PTGR2: variants seen among roughly 807,000 people sequenced by gnomAD.
PTGR2 encodes the protein prostaglandin reductase 2.
A neutral mutation model predicts 43.4 loss-of-function variants in PTGR2; 32 were observed. The ratio of observed to expected loss-of-function variants is 0.74; its 90% confidence interval spans 0.56 to 0.99. PTGR2 has a LOEUF of 0.99. PTGR2 is among the 50% of genes least tolerant of loss of function. The pLI, the probability that PTGR2 is intolerant of heterozygous loss-of-function variation, is 0.00. For synonymous variants in PTGR2, 106 were observed against 139.2 expected (o/e 0.76, Z 1.68); for missense variants, 373 against 420.0 (o/e 0.89, Z 0.98).
chr14:73,884,526 T>C lies in PTGR2; in HGVS notation c.*349T>C, dbSNP rs1014767853. On this transcript the variant is annotated 3_prime_UTR_variant, in exon 10 of 10. Transcript: ENST00000555661. ...ATTAATATTAATAACTTTTATTAAT[T>C]TAAAATAGAATGCTTAAAATAAAAT... The C allele has an allele frequency of 6.5e-6, 1 of 154,036 alleles. No individual in the cohort carries two copies. The highest frequency in any genetic ancestry group is 1.4e-5 in the Non-Finnish European group (1 of 69,444). The allele number at this position is 154,036 out of a possible 1,614,324, so 9.5% of individuals were successfully genotyped here.
chr14:73,855,740 C>G (rs965762280), intron 1 of PTGR2, among the ~76,000 whole-genome samples: 2 of 150,690 alleles, frequency 1.3e-5, no homozygotes, highest in African/African-American at 2.4e-5. Flanking sequence ...GCCACCACGC[C>G]CGGAGTATTA....
At chr14:73,878,942 T>C in intron 5 of PTGR2, 154 bp from the exon 6 acceptor site, 1 of 623,654 alleles carries the variant, frequency 1.6e-6, no homozygotes, top group Non-Finnish European at 2.7e-6. Context: ...CCCTCAGTTC[T>C]TTTAGTTTCA....
Position 73,884,637 on chromosome 14 carries a change from G to A in PTGR2, c.*460G>A, listed in dbSNP as rs1056336123. ...TAAACTGAAACTTGGTGTAAAAATAGAATTGAGATGGCCTTTTTTTCACAT... is the reference window on the plus strand; with the variant it reads ...TAAACTGAAACTTGGTGTAAAAATAAAATTGAGATGGCCTTTTTTTCACAT... On this transcript the variant is annotated 3_prime_UTR_variant, in exon 10 of 10. Transcript: ENST00000555661. 9 of 154,150 alleles carry A rather than the reference G, an allele frequency of 5.8e-5. No homozygotes were observed. The highest frequency in any genetic ancestry group is 2.2e-4 in the African/African-American group (9 of 41,420). The allele number at this position is 154,150 out of a possible 1,614,324, so 9.5% of individuals were successfully genotyped here. A position where few individuals can be genotyped will look rare whatever the true frequency, so the allele number is the denominator to read the frequency against.
intron 2 of PTGR2, among the ~76,000 whole-genome samples, chr14:73,859,531 C>G (rs1474089280): frequency 6.6e-6 from 1 of 151,872 alleles, no homozygotes; most frequent in African/African-American, 2.4e-5. Context: ...TTTTCTCATA[C>G]CTCAAATTTT....
intron 3 of PTGR2, among the ~76,000 whole-genome samples, chr14:73,873,780 T>C (rs1374296869): frequency 2.0e-5 from 3 of 152,168 alleles, no homozygotes; most frequent in African/African-American, 7.2e-5. Flanking sequence ...AATTTTCAAG[T>C]ATACAATACA....
intron 3 of PTGR2, among the ~76,000 whole-genome samples, chr14:73,869,924 G>A (rs1231716597): frequency 1.3e-5 from 2 of 152,130 alleles, no homozygotes; most frequent in African/African-American, 4.8e-5. Flanking sequence ...TACTCAGGAC[G>A]CTGAGGCAGG....
intron 2 of PTGR2, among the ~76,000 whole-genome samples, chr14:73,860,297 C>T (rs2054458487): frequency 1.3e-5 from 2 of 151,908 alleles, no homozygotes; most frequent in Non-Finnish European, 2.9e-5. Flanking sequence ...AAAACCCCAT[C>T]TCTACTAAAA....
chr14:73,852,950 T>C (rs1017932403), intron 1 of PTGR2, among the ~76,000 whole-genome samples: 1 of 151,872 alleles, frequency 6.6e-6, no homozygotes, highest in Non-Finnish European at 1.5e-5. Context: ...TTCAGCCTCC[T>C]GTGTAGCTGG....
At position 73,874,086 on chromosome 14, in the gene PTGR2, G is replaced by A. The variant is rs750203147; in HGVS notation, c.220G>A (p.Val74Ile). 2.8e-5 allele frequency: 45 copies of A among 1,613,676 alleles called. No individual in the cohort carries two copies. Among genetic ancestry groups the A allele is most frequent in the East Asian group, 8.9e-5 (4 of 44,876 alleles). The change falls in exon 4 of 10, where the codon GTT becomes ATT. Residue 74 changes from valine to isoleucine, a missense_variant. By Grantham distance (29) the Val-to-Ile change is conservative. Transcript: ENST00000555661. ...YITPWQLSQVVDGGGIGIIEE... is the reference protein window; with the variant it reads ...YITPWQLSQVIDGGGIGIIEE... ...AACACCTTGGCAGCTATCTCAAGTC[G>A]TTGATGGAGGAGGTATTGGAATTAT...
intron 1 of PTGR2, among the ~76,000 whole-genome samples, chr14:73,852,484 C>T (rs2054252382): frequency 6.6e-6 from 1 of 152,108 alleles, no homozygotes; most frequent in Non-Finnish European, 1.5e-5. Context: ...ATCTCCTGAC[C>T]TCGTGATCTG....
intron 1 of PTGR2, among the ~76,000 whole-genome samples, chr14:73,855,738 G>A (rs1009328423): frequency 2.4e-4 from 35 of 147,618 alleles, no homozygotes; most frequent in Admixed American, 7.4e-4. Context: ...GAGCCACCAC[G>A]CCCGGAGTAT....
chr14:73,879,645 T>TTGCGTAGAG, intron 6 of PTGR2: 1 of 299,708 alleles, frequency 3.3e-6, no homozygotes, highest in Non-Finnish European at 6.2e-6. Context: ...GCCCCAGACC[T>TTGCGTAGAG]ATGGGTTTCA....
intron 3 of PTGR2, 55 bp downstream of exon 3, chr14:73,860,712 C>A: frequency 2.3e-6 from 2 of 872,624 alleles, no homozygotes; most frequent in Non-Finnish European, 3.8e-6. Context: ...TATTATTTTT[C>A]ATGTTGTATC....
rs953891690 is a variant in PTGR2, at chr14:73,875,820, CTTTTT to C, written c.349-1163_349-1159del. ...TACATGGGAAATTTTTTAAAAGTTTCTTTTTTTTTTTTTTTTTTTGAGATGGAGTC... is the reference window on the plus strand; with the variant it reads ...TACATGGGAAATTTTTTAAAAGTTTCTTTTTTTTTTTTTTGAGATGGAGTC... On this transcript the variant is annotated intron_variant, in intron 4 of 9. Transcript: ENST00000555661. Among the ~76,000 whole-genome samples the C allele has an allele frequency of 3.1e-4, 29 of 94,392 alleles. No homozygotes were observed. In the East Asian group the frequency reaches 4.4e-3, roughly 14 times the overall value. 61.9% of individuals were successfully genotyped at this position (94,392 alleles called of 152,430 possible).
At position 73,882,432 on chromosome 14, in the gene PTGR2, A is replaced by T; in HGVS notation, c.973A>T (p.Met325Leu). The change falls in exon 9 of 10, where the codon ATG (methionine) becomes TTG (leucine). Residue 325 changes from methionine (M) to leucine (L), a missense_variant. Coordinates refer to ENST00000555661, the MANE Select transcript of PTGR2 (RefSeq NM_001146154.2). Reference protein sequence around the residue: ...KETVINGLENMGAAFQSMMTG... With the variant: ...KETVINGLENLGAAFQSMMTG... ...GACGGTAATAAATGGGTTGGAAAAC[A>T]TGGGAGGTAAGATGAATGTAGACTT... The T allele has an allele frequency of 6.4e-7, 1 of 1,570,380 alleles. No homozygotes were observed. Among genetic ancestry groups the T allele is most frequent in the South Asian group, 1.1e-5 (1 of 89,934 alleles).
chr14:73,866,293 T>C (rs1039607739), intron 3 of PTGR2, among the ~76,000 whole-genome samples: 9 of 152,036 alleles, frequency 5.9e-5, no homozygotes, highest in Non-Finnish European at 1.2e-4. Flanking sequence ...CATGAGCTAC[T>C]ATGCCTGAAC....
chr14:73,872,008 G>A (rs2054746711), intron 3 of PTGR2, among the ~76,000 whole-genome samples: 1 of 152,036 alleles, frequency 6.6e-6, no homozygotes. Flanking sequence ...GTTTTACCTG[G>A]GTACACCGAA....
intron 6 of PTGR2, 139 bp downstream of exon 6, chr14:73,879,444 G>A (rs1164131285): frequency 2.7e-6 from 2 of 742,502 alleles, no homozygotes; most frequent in Non-Finnish European, 4.3e-6. Flanking sequence ...TTGTATTTAA[G>A]TGATACAAAA....
chr14:73,856,381 G>A (rs2054347353), intron 1 of PTGR2, among the ~76,000 whole-genome samples: 1 of 151,730 alleles, frequency 6.6e-6, no homozygotes, highest in African/African-American at 2.4e-5. Flanking sequence ...AAGTAGCTGG[G>A]ACTACAGGCA....
Sources: gnomAD v4.1 joint callset for allele counts (sites outside exome capture counted in the v4.1 genomes callset) on GRCh38, gnomAD v4.1.1 for gene constraint, MANE v1.5 for transcripts, NCBI Gene and HGNC (gene_info 2026-07-23, HGNC 2026-07-21) for gene names.